TMEM263: variants seen among roughly 807,000 people sequenced by gnomAD.
The protein encoded by TMEM263 is transmembrane protein 263.
In TMEM263, 5 loss-of-function variants were observed where a neutral mutation model predicts 8.6. The observed-to-expected ratio is 0.58, with a 90% CI of 0.31 to 1.23. TMEM263 has a LOEUF of 1.23. Among genes scored for constraint, TMEM263 ranks in the 50% most tolerant of loss-of-function variants. The probability of loss-of-function intolerance (pLI) is 0.07; values close to 1 mark genes in which losing one functional copy is unlikely to be tolerated. For synonymous variants in TMEM263, 50 were observed against 47.9 expected, an observed-to-expected ratio of 1.04 and a Z score of -0.18; for missense variants, 104 against 138.8, an observed-to-expected ratio of 0.75 and a Z score of 1.26.
rs1011559717 is a variant in TMEM263, at chr12:106,972,415, A to AAAAC, written c.*1026_*1029dup. 1.3e-5 allele frequency: 2 copies of AAAAC among 152,172 alleles called. No individual in the cohort carries two copies. The highest frequency in any genetic ancestry group is 2.9e-5 in the Non-Finnish European group (2 of 67,992). The allele number at this position is 152,172 out of a possible 1,614,324, so 9.4% of individuals were successfully genotyped here. ...AATTATTAGCAGTACTCCTTTTTTA[A>AAAAC]AAACACTGTAAAAGTAACCACAAAT... On this transcript the variant is annotated 3_prime_UTR_variant, in exon 4 of 4. Transcript: ENST00000280756.
chr12:106,965,705 CTTTGTATTTAT>C (rs1287300496), intron 2 of TMEM263, among the ~76,000 whole-genome samples: 3 of 151,746 alleles, frequency 2.0e-5, no homozygotes, highest in South Asian at 2.1e-4. Context: ...ATAGTCCTCT[CTTTGTATTTAT>C]TTTGTATTTA....
intron 3 of TMEM263, among the ~76,000 whole-genome samples, chr12:106,967,693 A>G (rs924626565): frequency 1.3e-5 from 2 of 152,242 alleles, no homozygotes; most frequent in African/African-American, 4.8e-5. Context: ...CAATTTTACC[A>G]TATAAGGCAT....
chr12:106,969,575 A>G (rs1313515281), intron 3 of TMEM263, among the ~76,000 whole-genome samples: 1 of 151,934 alleles, frequency 6.6e-6, no homozygotes, highest in Non-Finnish European at 1.5e-5. Flanking sequence ...AAATACAAAA[A>G]ATTAGCCGGG....
intron 2 of TMEM263, 30 bp from the exon 3 acceptor site, chr12:106,967,081 A>C: frequency 6.9e-7 from 1 of 1,459,490 alleles, no homozygotes; most frequent in Non-Finnish European, 9.5e-7. Context: ...TGAGGTTAAA[A>C]TGAAATGTGT....
In TMEM263 at chr12:106,971,471, C is replaced by A; in HGVS notation, c.*80C>A. ...GCTAAATTATGGACTACAACCAAGT[C>A]AACTGTTTTGGACGTTTATCTTCTA... is the stretch of plus-strand genomic sequence containing the variant. On this transcript the variant is annotated 3_prime_UTR_variant, in exon 4 of 4. Coordinates refer to ENST00000280756, the MANE Select transcript of TMEM263 (RefSeq NM_152261.4). 2 of 1,416,774 alleles carry A rather than the reference C, an allele frequency of 1.4e-6. No individual in the cohort carries two copies. Among genetic ancestry groups the A allele is most frequent in the African/African-American group, 1.4e-5 (1 of 69,840 alleles). 87.8% of individuals were successfully genotyped at this position (1,416,774 alleles called of 1,614,324 possible).
At position 106,967,114 on chromosome 12, in the gene TMEM263, A is replaced by T; in HGVS notation, c.-3A>T. 6.3e-7 allele frequency: 1 copy of T among 1,582,488 alleles called. No homozygotes were observed. Among genetic ancestry groups the T allele is most frequent in the Non-Finnish European group, 8.6e-7 (1 of 1,162,290 alleles). On this transcript the variant is annotated 5_prime_UTR_variant, in exon 3 of 4. Transcript: ENST00000280756. ...TGTTTGTATGTTTTTTTTTTAGGAGATCATGAATCAGACAGATAAAAATCA... is the reference window on the plus strand; with the variant it reads ...TGTTTGTATGTTTTTTTTTTAGGAGTTCATGAATCAGACAGATAAAAATCA...
Position 106,966,570 on chromosome 12 carries a change from G to C in TMEM263, c.-6-541G>C, listed in dbSNP as rs147650506. On this transcript the variant is annotated intron_variant, in intron 2 of 3. Transcript: ENST00000280756. ...CTCCAAACTGTTTTCCACAGTGGCT[G>C]AACTAATTAACATTCCCATTAGCAG... Among the ~76,000 whole-genome samples, 266 of 152,326 alleles carry C rather than the reference G, an allele frequency of 1.7e-3. 2 individuals are homozygous for C. The highest frequency in any genetic ancestry group is 6.1e-3 in the African/African-American group (253 of 41,568).
At chr12:106,969,478 G>A (rs1465824705) in intron 3 of TMEM263, among the ~76,000 whole-genome samples, 1 of 152,140 alleles carries the variant, frequency 6.6e-6, no homozygotes, top group Non-Finnish European at 1.5e-5. Context: ...TGTAATCCCA[G>A]CACTTTGGGA....
intron 2 of TMEM263, among the ~76,000 whole-genome samples, chr12:106,963,497 A>T (rs1375351183): frequency 6.6e-6 from 1 of 152,222 alleles, no homozygotes. Flanking sequence ...ATTTTGTCCA[A>T]AGCATTTATT....
At chr12:106,967,873 CTAT>C (rs1282038191) in intron 3 of TMEM263, among the ~76,000 whole-genome samples, 1 of 152,148 alleles carries the variant, frequency 6.6e-6, no homozygotes, top group Non-Finnish European at 1.5e-5. Context: ...TGTTAAACTC[CTAT>C]TATTCATTAT....
intron 3 of TMEM263, among the ~76,000 whole-genome samples, chr12:106,967,739 T>C (rs955054000): frequency 5.3e-5 from 8 of 152,216 alleles, no homozygotes; most frequent in Non-Finnish European, 1.5e-5. Context: ...AAGACCATTT[T>C]AGAAGTATAA....
chr12:106,966,066 G>A (rs79786378), intron 2 of TMEM263, among the ~76,000 whole-genome samples: 10,244 of 152,196 alleles, frequency 0.067, 518 homozygotes, highest in Middle Eastern at 0.13. Context: ...GGGGTTGGGT[G>A]TACAGATGAT....
rs564630200 is a variant in TMEM263 at position 106,972,531 on chromosome 12, A to G, written c.*1140A>G. ...ATATAAAAGTGCATCAGTGGTTTATATAGGCTTTAAAAACATGTTATCTTA... is the reference window on the plus strand; with the variant it reads ...ATATAAAAGTGCATCAGTGGTTTATGTAGGCTTTAAAAACATGTTATCTTA... On this transcript the variant is annotated 3_prime_UTR_variant, in exon 4 of 4. Coordinates refer to ENST00000280756, the MANE Select transcript of TMEM263 (RefSeq NM_152261.4). 163 of 152,272 alleles carry G rather than the reference A, an allele frequency of 1.1e-3. 1 individual carries two copies. The highest frequency in any genetic ancestry group is 3.7e-3 in the African/African-American group (153 of 41,578). 9.4% of individuals were successfully genotyped at this position (152,272 alleles called of 1,614,324 possible).
chr12:106,965,578 C>A (rs1228519813), intron 2 of TMEM263, among the ~76,000 whole-genome samples: 1 of 150,840 alleles, frequency 6.6e-6, no homozygotes, highest in Non-Finnish European at 1.5e-5. Flanking sequence ...TGCACTCCAG[C>A]CTGGGCGACA....
intron 3 of TMEM263, among the ~76,000 whole-genome samples, chr12:106,970,037 C>T (rs957246342): frequency 6.6e-6 from 1 of 151,972 alleles, no homozygotes; most frequent in Non-Finnish European, 1.5e-5. Context: ...AAGTGTTAAC[C>T]ATATCTATAG....
At position 106,972,350 on chromosome 12, in the gene TMEM263, AAAG is replaced by A. The variant is rs1051501959; in HGVS notation, c.*963_*965del. On this transcript the variant is annotated 3_prime_UTR_variant, in exon 4 of 4. Coordinates refer to ENST00000280756, the MANE Select transcript of TMEM263 (RefSeq NM_152261.4). ...ATTACCTAAAACACCCCAAATATAAAAAGAAGCCTTCACACCTATTCTGTCTTT... is the reference window on the plus strand; with the variant it reads ...ATTACCTAAAACACCCCAAATATAAAAAGCCTTCACACCTATTCTGTCTTT... The A allele has an allele frequency of 2.5e-4, 38 of 152,324 alleles. No homozygotes were observed. The highest frequency in any genetic ancestry group is 1.9e-3 in the Admixed American group (29 of 15,306). The allele number at this position is 152,324 out of a possible 1,614,324, so 9.4% of individuals were successfully genotyped here.
At chr12:106,957,996 A>G (rs755981216) in intron 2 of TMEM263, among the ~76,000 whole-genome samples, 10 of 152,228 alleles carry the variant, frequency 6.6e-5, no homozygotes, top group Non-Finnish European at 1.5e-4. Context: ...CTCTGTATAC[A>G]TATATTTTTG....
chr12:106,966,903 A>C, intron 2 of TMEM263: 1 of 469,378 alleles, frequency 2.1e-6, no homozygotes, highest in East Asian at 4.1e-5. Context: ...TTCACATAAG[A>C]TTTATATTGT....
chr12:106,968,606 A>G (rs1344339336), intron 3 of TMEM263, among the ~76,000 whole-genome samples: 1 of 152,246 alleles, frequency 6.6e-6, no homozygotes, highest in East Asian at 1.9e-4. Flanking sequence ...GAAGAGAACA[A>G]AGCAGAATGT....
Sources: gnomAD v4.1 joint callset for allele counts (sites outside exome capture counted in the v4.1 genomes callset) on GRCh38, gnomAD v4.1.1 for gene constraint, MANE v1.5 for transcripts, NCBI Gene and HGNC (gene_info 2026-07-23, HGNC 2026-07-21) for gene names.